ATG7: variants seen among roughly 807,000 people sequenced by gnomAD.
The protein encoded by ATG7 is autophagy related 7, also known as ubiquitin-like modifier-activating enzyme ATG7.
A neutral mutation model predicts 82.4 loss-of-function variants in ATG7; 70 were observed. The observed-to-expected ratio is 0.85, with a 90% CI of 0.70 to 1.04. The LOEUF (loss-of-function observed/expected upper bound fraction) is 1.04, where lower values mean the gene tolerates loss of function less well. ATG7 is among the 50% of genes least tolerant of loss of function. The pLI is 0.00. For missense variants in ATG7, 792 were observed against 864.3 expected (o/e 0.92, Z 1.05); for synonymous variants, 287 against 313.0 (o/e 0.92, Z 0.88).
intron 20 of ATG7, among the ~76,000 whole-genome samples, chr3:11,540,726 GC>G (rs1364329028): frequency 1.3e-5 from 2 of 151,784 alleles, no homozygotes; most frequent in Non-Finnish European, 2.9e-5. Context: ...TCTTTGGCTT[GC>G]CTTTTCATTT....
Position 11,372,343 on chromosome 3 carries a change from TG to T in ATG7, c.1875+7610del, listed in dbSNP as rs557549802. Among the ~76,000 whole-genome samples the T allele has an allele frequency of 1.4e-3, 205 of 151,256 alleles. 11 individuals carry two copies. Among genetic ancestry groups the T allele is most frequent in the Admixed American group, 8.2e-3 (124 of 15,148 alleles). On this transcript the variant is annotated intron_variant, in intron 18 of 20. Transcript: ENST00000693202. ...TCTAGACGTTTCTATGGAACACTAATGTTGGTGATTATTTTGCAGGGAGAGG... is the reference window on the plus strand; with the variant it reads ...TCTAGACGTTTCTATGGAACACTAATTTGGTGATTATTTTGCAGGGAGAGG...
intron 20 of ATG7, among the ~76,000 whole-genome samples, chr3:11,506,083 T>C (rs185433129): frequency 9.8e-5 from 15 of 152,308 alleles, no homozygotes; most frequent in South Asian, 6.2e-4. Context: ...TTAGTGAGTT[T>C]GTGTATTTTT....
intron 11 of ATG7, among the ~76,000 whole-genome samples, chr3:11,337,657 A>T (rs888612573): frequency 7.9e-5 from 12 of 151,656 alleles, no homozygotes; most frequent in Admixed American, 5.3e-4. Flanking sequence ...TATTATTATT[A>T]TTTTTTGAGA....
intron 20 of ATG7, among the ~76,000 whole-genome samples, chr3:11,540,750 C>G (rs1417440570): frequency 6.6e-6 from 1 of 151,904 alleles, no homozygotes; most frequent in Non-Finnish European, 1.5e-5. Flanking sequence ...TTGATGTTGT[C>G]TTTAAGAGAG....
rs1476405930 is a variant in ATG7 at position 11,368,481 on chromosome 3, C to G, written c.1875+3747C>G. Among the ~76,000 whole-genome samples the G allele has an allele frequency of 2.0e-5, 3 of 152,146 alleles. No homozygotes were observed. The East Asian group carries it at 5.8e-4, about 29-fold the overall frequency. On this transcript the variant is annotated intron_variant, in intron 18 of 20. Transcript: ENST00000693202. The stretch of plus-strand genomic sequence containing the variant: ...TGGCCTGCTAATTCTTTGGCTGTAC[C>G]TCCTCAAAGGATGATAATGAGGTGA...
At chr3:11,295,237 G>A (rs367914394) in intron 3 of ATG7, among the ~76,000 whole-genome samples, 1 of 152,330 alleles carries the variant, frequency 6.6e-6, no homozygotes. Flanking sequence ...GGACAGTGAT[G>A]TGTTGTCTTT....
intron 19 of ATG7, among the ~76,000 whole-genome samples, chr3:11,384,208 G>A (rs2152856105): frequency 6.6e-6 from 1 of 152,344 alleles, no homozygotes; most frequent in Non-Finnish European, 1.5e-5. Context: ...TGTGCAGGAG[G>A]AGACTGCGTG....
intron 20 of ATG7, among the ~76,000 whole-genome samples, chr3:11,541,431 G>A (rs1293734558): frequency 1.3e-5 from 2 of 152,128 alleles, no homozygotes; most frequent in East Asian, 1.9e-4. Flanking sequence ...CCTCATCTCA[G>A]TACCAAACTA....
downstream of ATG7, among the ~76,000 whole-genome samples, chr3:11,561,383 C>T (rs532978075): frequency 5.9e-5 from 9 of 152,290 alleles, no homozygotes; most frequent in South Asian, 1.5e-3. Flanking sequence ...GGTATCAGAC[C>T]ACCTTCAGGG....
chr3:11,298,900 C>A lies in ATG7; in HGVS notation c.160+45C>A. On this transcript the variant is annotated intron_variant, in intron 4 of 20. Transcript: ENST00000693202. Reference sequence around the variant, plus strand: ...ATTTTCCATCATCTTCTGTTATCCTCACGGTCCTCCAGTATAGTGTCAGCT... The same window carrying A: ...ATTTTCCATCATCTTCTGTTATCCTAACGGTCCTCCAGTATAGTGTCAGCT... 3 of 1,600,574 alleles carry A rather than the reference C, an allele frequency of 1.9e-6. No homozygotes were observed. The South Asian group carries it at 3.3e-5, about 18-fold the overall frequency.
intron 11 of ATG7, among the ~76,000 whole-genome samples, chr3:11,338,119 C>A (rs1296380758): frequency 6.6e-6 from 1 of 152,132 alleles, no homozygotes; most frequent in Admixed American, 6.5e-5. Context: ...CACCCTTCAC[C>A]CTCAAGTAGG....
At chr3:11,360,454 C>G (rs752250670) in intron 15 of ATG7, 127 bp from the exon 16 acceptor site, 51 of 913,820 alleles carry the variant, frequency 5.6e-5, no homozygotes, top group South Asian at 4.2e-4. Context: ...TCATCATTAG[C>G]TTTTATAATC....
At chr3:11,528,018 T>C (rs1456525156) in intron 20 of ATG7, among the ~76,000 whole-genome samples, 3 of 152,266 alleles carry the variant, frequency 2.0e-5, no homozygotes, top group Admixed American at 2.0e-4. Flanking sequence ...CTGCTTTGCC[T>C]GTTACTTGAA....
chr3:11,511,351 A>G (rs1470137831), intron 20 of ATG7, among the ~76,000 whole-genome samples: 1 of 152,150 alleles, frequency 6.6e-6, no homozygotes, highest in Non-Finnish European at 1.5e-5. Flanking sequence ...TATTAGTTAG[A>G]TACAGAGTTT....
chr3:11,328,294 T>C (rs985283622), intron 9 of ATG7, among the ~76,000 whole-genome samples: 1 of 152,126 alleles, frequency 6.6e-6, no homozygotes, highest in Non-Finnish European at 1.5e-5. Context: ...GCTTGGAGGG[T>C]TGAGTACTTT....
At chr3:11,307,311 G>A (rs1342946314) in intron 6 of ATG7, among the ~76,000 whole-genome samples, 1 of 152,206 alleles carries the variant, frequency 6.6e-6, no homozygotes, top group African/African-American at 2.4e-5. Flanking sequence ...CAGGGCAGAG[G>A]TTAAGTAATC....
the ATG7 span, among the ~76,000 whole-genome samples, chr3:11,567,562 CT>C: frequency 6.6e-6 from 1 of 152,172 alleles, no homozygotes; most frequent in Middle Eastern, 3.2e-3. Context: ...TACTAAAAAC[CT>C]TAATACTGAA....
chr3:11,405,935 A>G (rs2080287585), intron 19 of ATG7, among the ~76,000 whole-genome samples: 1 of 151,900 alleles, frequency 6.6e-6, no homozygotes, highest in Admixed American at 6.6e-5. Flanking sequence ...GGCCATGTGT[A>G]GCATTTCTCT....
At chr3:11,315,135 C>T (rs907006875) in intron 8 of ATG7, among the ~76,000 whole-genome samples, 2 of 152,290 alleles carry the variant, frequency 1.3e-5, no homozygotes, top group East Asian at 1.9e-4. Context: ...CTAAGACACA[C>T]ACCACCATGC....
Sources: allele counts gnomAD v4.1 joint callset (sites outside exome capture counted in the v4.1 genomes callset), GRCh38; gene constraint gnomAD v4.1.1; transcripts MANE v1.5; gene names NCBI Gene and HGNC (gene_info 2026-07-23, HGNC 2026-07-21).